Variants in CYP7B1 observed in about 807,000 individuals in gnomAD.
The protein encoded by CYP7B1 is cytochrome P450 family 7 subfamily B member 1.
A neutral mutation model predicts 42.7 loss-of-function variants in CYP7B1; 29 were observed. The observed-to-expected ratio is 0.68, with a 90% CI of 0.51 to 0.93. CYP7B1 has a LOEUF of 0.93. CYP7B1 is among the 40% of genes least tolerant of loss of function. CYP7B1 has a pLI of 0.00. For synonymous variants in CYP7B1, 235 were observed against 218.2 expected (o/e 1.08, Z -0.68); for missense variants, 655 against 600.5 (o/e 1.09, Z -0.95).
chr8:64,669,180 T>C (rs1357446661), intron 1 of CYP7B1, among the ~76,000 whole-genome samples: 5 of 152,122 alleles, frequency 3.3e-5, no homozygotes, highest in Non-Finnish European at 7.4e-5. Context: ...ATCTGAAAGA[T>C]TGATAATTCC....
intron 5 of CYP7B1, among the ~76,000 whole-genome samples, chr8:64,601,668 TTTTA>T (rs1456445641): frequency 6.6e-6 from 1 of 152,212 alleles, no homozygotes; most frequent in Non-Finnish European, 1.5e-5. Flanking sequence ...CCCAAACACC[TTTTA>T]TTTATTATTG....
At position 64,798,556 on chromosome 8, in the gene CYP7B1, C is replaced by G; in HGVS notation, c.32G>C (p.Arg11Pro). The part of the protein sequence containing the change: MAGEVSAATG[R>P]FSLERLGLPG... ...GAGGCCCAACCGCTCCAGCGAAAAGCGGCCCGTGGCCGCGGACACTTCTCC... is the reference window on the plus strand; with the variant it reads ...GAGGCCCAACCGCTCCAGCGAAAAGGGGCCCGTGGCCGCGGACACTTCTCC... Residue 11 changes from arginine to proline, a missense_variant, in exon 1 of 6, where the codon CGC (arginine) becomes CCC (proline). Transcript: ENST00000310193. The G allele has an allele frequency of 6.7e-7, 1 of 1,491,734 alleles. No individual in the cohort carries two copies. Among genetic ancestry groups the G allele is most frequent in the Non-Finnish European group, 8.8e-7 (1 of 1,129,966 alleles). 92.4% of individuals were successfully genotyped at this position (1,491,734 alleles called of 1,614,324 possible).
chr8:64,624,545 A>T lies in CYP7B1; in HGVS notation c.123-6T>A, dbSNP rs1055351702. 6.2e-7 allele frequency: 1 copy of T among 1,612,322 alleles called. No individual in the cohort carries two copies. The highest frequency in any genetic ancestry group is 1.7e-5 in the Admixed American group (1 of 59,758). ...ATGGAGGCTCACCGGGTCTCCTACA[A>T]GGAAAAAAAAAAAGATAAAAGAACA... On this transcript the variant is annotated splice_region_variant and splice_polypyrimidine_tract_variant and intron_variant, in intron 1 of 5. Coordinates refer to ENST00000310193, the MANE Select transcript of CYP7B1 (RefSeq NM_004820.5).
intron 1 of CYP7B1, among the ~76,000 whole-genome samples, chr8:64,695,439 T>C (rs1038184002): frequency 6.6e-6 from 1 of 152,146 alleles, no homozygotes; most frequent in African/African-American, 2.4e-5. Flanking sequence ...AAACCAGCCC[T>C]AAAATGGAAG....
At chr8:64,703,191 T>A (rs1806943438) in intron 1 of CYP7B1, among the ~76,000 whole-genome samples, 1 of 151,986 alleles carries the variant, frequency 6.6e-6, no homozygotes, top group Admixed American at 6.6e-5. Flanking sequence ...TCTATCTTTT[T>A]AAATGCTTCT....
chr8:64,768,627 T>A (rs1047740972), intron 1 of CYP7B1, among the ~76,000 whole-genome samples: 2 of 152,204 alleles, frequency 1.3e-5, no homozygotes, highest in Admixed American at 6.5e-5. Context: ...GCACTTAACA[T>A]CTTCTGTCTC....
chr8:64,721,211 C>A (rs1202176530), intron 1 of CYP7B1, among the ~76,000 whole-genome samples: 1 of 151,890 alleles, frequency 6.6e-6, no homozygotes. Flanking sequence ...AGAAAAACAA[C>A]ACCTATCTTT....
chr8:64,711,389 T>C (rs886608998), intron 1 of CYP7B1, among the ~76,000 whole-genome samples: 6 of 152,162 alleles, frequency 3.9e-5, no homozygotes, highest in Non-Finnish European at 7.3e-5. Flanking sequence ...GACCAGTCAC[T>C]GCAGAGAAGC....
rs1261698748 is a variant in CYP7B1, at chr8:64,719,707, C to T, written c.122+78759G>A. Among the ~76,000 whole-genome samples, 3 of 152,176 alleles carry T rather than the reference C, an allele frequency of 2.0e-5. No individual in the cohort carries two copies. In the South Asian group the frequency reaches 6.2e-4, roughly 32 times the overall value. On this transcript the variant is annotated intron_variant, in intron 1 of 5. Transcript: ENST00000310193. ...CCGCAAGCTTGGACAATCTGTCTTG[C>T]GTCTTCATTGGGTAAGACTTCAATG...
intron 1 of CYP7B1, among the ~76,000 whole-genome samples, chr8:64,787,980 T>C (rs1340717404): frequency 6.6e-6 from 1 of 152,174 alleles, no homozygotes; most frequent in Non-Finnish European, 1.5e-5. Flanking sequence ...GTACTCACTA[T>C]CAAGAGAATA....
Position 64,798,645 on chromosome 8 carries a change from G to A in CYP7B1, c.-58C>T. On this transcript the variant is annotated 5_prime_UTR_variant, in exon 1 of 6. Coordinates refer to ENST00000310193, the MANE Select transcript of CYP7B1 (RefSeq NM_004820.5). ...GGGTCTGCCTGCGAACAGCGCGGTC[G>A]GCGACTCTGCAGCCTGCGGCGGCTT... The A allele has an allele frequency of 1.4e-6, 2 of 1,434,886 alleles. No individual in the cohort carries two copies. Among genetic ancestry groups the A allele is most frequent in the Non-Finnish European group, 1.8e-6 (2 of 1,102,690 alleles). The allele number at this position is 1,434,886 out of a possible 1,614,324, so 88.9% of individuals were successfully genotyped here.
intron 1 of CYP7B1, among the ~76,000 whole-genome samples, chr8:64,727,673 G>A (rs1193490723): frequency 1.3e-5 from 2 of 152,148 alleles, no homozygotes; most frequent in Admixed American, 6.6e-5. Context: ...TGCCCACAGA[G>A]TCAGGGAAAG....
intron 1 of CYP7B1, among the ~76,000 whole-genome samples, chr8:64,698,986 G>A (rs915528001): frequency 5.3e-5 from 8 of 152,208 alleles, no homozygotes; most frequent in African/African-American, 1.7e-4. Context: ...GGTTCTGACA[G>A]AATTTTAAAT....
chr8:64,779,483 T>C (rs1027145408), intron 1 of CYP7B1, among the ~76,000 whole-genome samples: 2 of 152,058 alleles, frequency 1.3e-5, no homozygotes, highest in African/African-American at 4.8e-5. Flanking sequence ...AATATTGGAG[T>C]AGCCAGTGCT....
At chr8:64,636,775 A>G (rs1241772101) in intron 1 of CYP7B1, among the ~76,000 whole-genome samples, 2 of 152,330 alleles carry the variant, frequency 1.3e-5, no homozygotes, top group East Asian at 3.9e-4. Context: ...ACTGGATCTT[A>G]GGAGAAAGCG....
chr8:64,770,483 A>G (rs1274299024), intron 1 of CYP7B1, among the ~76,000 whole-genome samples: 1 of 152,198 alleles, frequency 6.6e-6, no homozygotes, highest in Admixed American at 6.5e-5. Context: ...CCTGTTATAA[A>G]TACCTATTAA....
chr8:64,757,151 T>C (rs1193775769), intron 1 of CYP7B1, among the ~76,000 whole-genome samples: 2 of 152,156 alleles, frequency 1.3e-5, no homozygotes, highest in Non-Finnish European at 2.9e-5. Context: ...AGTGAAAGAA[T>C]ATGGGCTTAG....
chr8:64,699,815 T>TA (rs989173557), intron 1 of CYP7B1, among the ~76,000 whole-genome samples: 6 of 151,878 alleles, frequency 4.0e-5, no homozygotes, highest in Admixed American at 3.3e-4. Context: ...CAGAAGGAAG[T>TA]AAAAAAATAA....
intron 1 of CYP7B1, among the ~76,000 whole-genome samples, chr8:64,765,674 G>A (rs375188070): frequency 3.3e-5 from 5 of 152,172 alleles, no homozygotes; most frequent in African/African-American, 1.2e-4. Context: ...CTGGAAAGGA[G>A]TAAGCATTAG....
Sources: gnomAD v4.1 joint callset for allele counts (sites outside exome capture counted in the v4.1 genomes callset) on GRCh38, gnomAD v4.1.1 for gene constraint, MANE v1.5 for transcripts, NCBI Gene and HGNC (gene_info 2026-07-23, HGNC 2026-07-21) for gene names.